Variants in CNN2 observed in about 807,000 individuals in gnomAD.
CNN2 encodes calponin-2.
CNN2 carries 21 observed loss-of-function variants against 31.0 expected under a neutral mutation model. That is an observed-to-expected ratio of 0.68 (90% CI 0.48 to 0.98). The LOEUF (loss-of-function observed/expected upper bound fraction) is 0.98. CNN2 is among the 50% of genes least tolerant of loss of function. The probability of loss-of-function intolerance (pLI) is 0.00; values close to 1 mark genes in which losing one functional copy is unlikely to be tolerated. For synonymous variants in CNN2, 165 were observed against 179.6 expected (o/e 0.92, Z 0.65); for missense variants, 399 against 427.3 (o/e 0.93, Z 0.58).
intron 1 of CNN2, among the ~76,000 whole-genome samples, chr19:1,029,789 T>A (rs1019896933): frequency 1.3e-4 from 20 of 151,532 alleles, no homozygotes; most frequent in African/African-American, 4.6e-4. Flanking sequence ...CTCCTCTGCC[T>A]CCTGGGTTCA....
chr19:1,037,808 GCCGATGGGGCTCCCTCGGGCA>G lies in CNN2; in HGVS notation c.842_862del (p.Asp281_Thr287del). 1 of 1,539,328 alleles carries G rather than the reference GCCGATGGGGCTCCCTCGGGCA, an allele frequency of 6.5e-7. No individual in the cohort carries two copies. Among genetic ancestry groups the G allele is most frequent in the Non-Finnish European group, 8.7e-7 (1 of 1,147,548 alleles). On this transcript the variant is annotated inframe_deletion, in exon 7 of 7. Transcript: ENST00000263097. ...CAAGTACTGCCCGCAAGGCACAGTG[GCCGATGGGGCTCCCTCGGGCA>G]CCGGCGACTGCCCGGACCCGGGGGA...
At chr19:1,036,692 C>A (rs11670349) in intron 6 of CNN2, 130 bp downstream of exon 6, 11 of 1,110,648 alleles carry the variant, frequency 9.9e-6, no homozygotes, top group African/African-American at 3.1e-5. Flanking sequence ...AGACCACCTC[C>A]GGCTTCCCTC....
In CNN2 at chr19:1,032,712, G is replaced by A; in HGVS notation, c.390+16G>A. Reference sequence around the variant, plus strand: ...GGCGGGGAAGGTGAGGCCCAGAGAGGGGCAGCCACCTGCCCAGAGTCACAC... The same window carrying A: ...GGCGGGGAAGGTGAGGCCCAGAGAGAGGCAGCCACCTGCCCAGAGTCACAC... On this transcript the variant is annotated intron_variant, in intron 4 of 6. Transcript: ENST00000263097. The A allele has an allele frequency of 6.3e-7, 1 of 1,588,592 alleles. No individual in the cohort carries two copies. The highest frequency in any genetic ancestry group is 1.1e-5 in the South Asian group (1 of 89,954).
chr19:1,030,139 C>G (rs1392338945), intron 1 of CNN2, among the ~76,000 whole-genome samples: 2 of 152,156 alleles, frequency 1.3e-5, no homozygotes, highest in African/African-American at 4.8e-5. Context: ...TAGGGACACT[C>G]GAGGTCCCCA....
chr19:1,036,490 G>A lies in CNN2; in HGVS notation c.582G>A (p.Lys194=), dbSNP rs1281884536. ...YGTRRHLYDP[K]NHILPPMDHS... ...CGAGAAGGCATCTCTATGACCCCAA[G>A]AACCATATCCTGCCCCCCATGGACC... The change falls in exon 6 of 7, where the codon AAG becomes AAA. Residue 194 remains lysine, a synonymous_variant. Transcript: ENST00000263097. The A allele has an allele frequency of 6.2e-7, 1 of 1,613,224 alleles. No homozygotes were observed. Among genetic ancestry groups the A allele is most frequent in the Admixed American group, 1.7e-5 (1 of 59,978 alleles).
At chr19:1,028,585 T>C (rs936543313) in intron 1 of CNN2, among the ~76,000 whole-genome samples, 2 of 152,106 alleles carry the variant, frequency 1.3e-5, no homozygotes, top group Admixed American at 1.3e-4. Context: ...GCATCCCGGC[T>C]TGGGGGTCCG....
rs775263514 is a variant in CNN2 at position 1,036,180 on chromosome 19, G to A, written c.441G>A (p.Ser147=). The change falls in exon 5 of 7, where the codon TCG becomes TCA. Residue 147 remains serine (S), a synonymous_variant. Coordinates refer to ENST00000263097, the MANE Select transcript of CNN2 (RefSeq NM_004368.4). ...GGGTGGACATTGGCGTCAAGTACTCGGAGAAGCAGGAGCGGAATTTCGACG... is the reference window on the plus strand; with the variant it reads ...GGGTGGACATTGGCGTCAAGTACTCAGAGAAGCAGGAGCGGAATTTCGACG... The part of the protein sequence containing the change: ...QSGVDIGVKY[S]EKQERNFDDA... 35 of 1,612,194 alleles carry A rather than the reference G, an allele frequency of 2.2e-5. No homozygotes were observed. The highest frequency in any genetic ancestry group is 1.7e-4 in the Middle Eastern group (1 of 5,908).
intron 4 of CNN2, 42 bp from the exon 5 acceptor site, chr19:1,036,088 G>T (rs1191529624): frequency 1.3e-6 from 2 of 1,552,390 alleles, no homozygotes; most frequent in Non-Finnish European, 1.7e-6. Context: ...AGGGTCCCTG[G>T]CTGCCCTCTG....
In CNN2 at chr19:1,032,371, G is replaced by A. The variant is rs148124241; in HGVS notation, c.186-21G>A. 1.3e-3 allele frequency: 2,088 copies of A among 1,612,844 alleles called. 28 individuals are homozygous for A. The African/African-American group carries it at 0.024, about 19-fold the overall frequency. On this transcript the variant is annotated intron_variant, in intron 2 of 6. Coordinates refer to ENST00000263097, the MANE Select transcript of CNN2 (RefSeq NM_004368.4). ...GCTCACAGAGGTTTCTGTTTCCCCC[G>A]CCCCATGTTGTGCCCTCCAGACTCA...
At chr19:1,028,580 C>G (rs2039436707) in intron 1 of CNN2, among the ~76,000 whole-genome samples, 2 of 152,226 alleles carry the variant, frequency 1.3e-5, no homozygotes, top group African/African-American at 4.8e-5. Context: ...GCCTTGCATC[C>G]CGGCTTGGGG....
In CNN2 at chr19:1,038,290, A is replaced by C. The variant is rs3087680; in HGVS notation, c.*390A>C. On this transcript the variant is annotated 3_prime_UTR_variant, in exon 7 of 7. Coordinates refer to ENST00000263097, the MANE Select transcript of CNN2 (RefSeq NM_004368.4). ...GGTTTCTATGCCCGCAAGTTTCAGG[A>C]AGTATTCACAAAAGAAAAATACATT... The C allele has an allele frequency of 0.11, 21,333 of 192,442 alleles. 1,381 individuals are homozygous for C. The highest frequency in any genetic ancestry group is 0.16 in the African/African-American group (6,839 of 42,954). The allele number at this position is 192,442 out of a possible 1,614,324, so 11.9% of individuals were successfully genotyped here.
Position 1,036,563 on chromosome 19 carries a change from G to A in CNN2, c.654+1G>A. The A allele has an allele frequency of 6.2e-7, 1 of 1,613,796 alleles. No homozygotes were observed. The highest frequency in any genetic ancestry group is 8.5e-7 in the Non-Finnish European group (1 of 1,179,972). On this transcript the variant is annotated splice_donor_variant, in intron 6 of 6. Transcript: ENST00000263097. LOFTEE classifies it high-confidence loss of function. ...GGGCACGAACAAGTGTGCCAGCCAGGTGGGGCTCGCCCGGGTGCCCCCGAC... is the reference window on the plus strand; with the variant it reads ...GGGCACGAACAAGTGTGCCAGCCAGATGGGGCTCGCCCGGGTGCCCCCGAC...
At chr19:1,032,345 T>C (rs2039511947) in intron 2 of CNN2, 47 bp from the exon 3 acceptor site, 2 of 1,610,266 alleles carry the variant, frequency 1.2e-6, no homozygotes, top group Admixed American at 1.7e-5. Context: ...GGTTCCTCGC[T>C]GCTCACAGAG....
At chr19:1,037,472 G>C (rs1235681858) in intron 6 of CNN2, 153 bp from the exon 7 acceptor site, 2 of 919,650 alleles carry the variant, frequency 2.2e-6, no homozygotes, top group South Asian at 1.6e-5. Flanking sequence ...GGGTTTCACC[G>C]TGTTGGCCAG....
chr19:1,032,397 T>A lies in CNN2; in HGVS notation c.191T>A (p.Met64Lys). ...CCCCATGTTGTGCCCTCCAGACTCA[T>A]GAACAAGCTACAGCCGGGCTCCGTC... ...LKDGTILCTLMNKLQPGSVPK... is the reference protein window; with the variant it reads ...LKDGTILCTLKNKLQPGSVPK... Residue 64 changes from methionine (M) to lysine (K), a missense_variant, in exon 3 of 7, where the codon ATG (methionine) becomes AAG (lysine). By Grantham distance (95) the Met-to-Lys change is moderately conservative. Transcript: ENST00000263097. 6.2e-7 allele frequency: 1 copy of A among 1,613,564 alleles called. No individual in the cohort carries two copies. Among genetic ancestry groups the A allele is most frequent in the South Asian group, 1.1e-5 (1 of 91,072 alleles).
Position 1,036,193 on chromosome 19 carries a change from C to T in CNN2, c.454C>T (p.Arg152Trp), listed in dbSNP as rs1250496563. The T allele has an allele frequency of 5.0e-6, 8 of 1,611,372 alleles. No homozygotes were observed. The Admixed American group carries it at 1.0e-4, about 20-fold the overall frequency. Residue 152 changes from arginine (R) to tryptophan (W), a missense_variant, in exon 5 of 7, where the codon CGG (arginine) becomes TGG (tryptophan). Arg to Trp is a moderately radical substitution (Grantham distance 101). Transcript: ENST00000263097. ...CGTCAAGTACTCGGAGAAGCAGGAG[C>T]GGAATTTCGACGATGCCACCATGAA... Reference protein sequence around the residue: ...IGVKYSEKQERNFDDATMKAG... With the variant: ...IGVKYSEKQEWNFDDATMKAG...
Position 1,036,466 on chromosome 19 carries a change from G to A in CNN2, c.558G>A (p.Thr186=), listed in dbSNP as rs768578893. 1.6e-5 allele frequency: 26 copies of A among 1,612,908 alleles called. No homozygotes were observed. The Admixed American group carries it at 1.8e-4, about 11-fold the overall frequency. The change falls in exon 6 of 7, where the codon ACG becomes ACA. Residue 186 remains threonine, a synonymous_variant. Transcript: ENST00000263097. ...AGTCGGGCATGACTGCCTACGGCAC[G>A]AGAAGGCATCTCTATGACCCCAAGA... ...ASQSGMTAYG[T]RRHLYDPKNH...
chr19:1,032,388 C>T lies in CNN2; in HGVS notation c.186-4C>T, dbSNP rs1340585504. 6.2e-7 allele frequency: 1 copy of T among 1,613,468 alleles called. No individual in the cohort carries two copies. The highest frequency in any genetic ancestry group is 1.3e-5 in the African/African-American group (1 of 74,922). On this transcript the variant is annotated splice_region_variant and splice_polypyrimidine_tract_variant and intron_variant, in intron 2 of 6. Transcript: ENST00000263097. ...TTTCCCCCGCCCCATGTTGTGCCCT[C>T]CAGACTCATGAACAAGCTACAGCCG... is the stretch of plus-strand genomic sequence containing the variant.
At chr19:1,030,946 A>G (rs2144618616) in intron 1 of CNN2, 125 bp from the exon 2 acceptor site, 1 of 1,191,568 alleles carries the variant, frequency 8.4e-7, no homozygotes, top group Non-Finnish European at 1.2e-6. Flanking sequence ...GTGAGGGGGG[A>G]CCTCCAGGCC....
Sources: gnomAD v4.1 joint callset for allele counts (sites outside exome capture counted in the v4.1 genomes callset) on GRCh38, gnomAD v4.1.1 for gene constraint, MANE v1.5 for transcripts, NCBI Gene and HGNC (gene_info 2026-07-23, HGNC 2026-07-21) for gene names.